LPA: variants seen among roughly 807,000 people sequenced by gnomAD.
LPA encodes the protein lipoprotein(a), also known as apolipoprotein(a).
In LPA, 199 loss-of-function variants were observed where a neutral mutation model predicts 197.9. The observed-to-expected ratio is 1.01, with a 90% CI of 0.90 to 1.13. LPA has a LOEUF of 1.13. Among genes scored for constraint, LPA ranks in the 50% most tolerant of loss-of-function variants. The pLI, the probability that LPA is intolerant of heterozygous loss-of-function variation, is 0.00. For missense variants in LPA, 1,853 were observed against 1,785.8 expected, an observed-to-expected ratio of 1.04 and a Z score of -0.68; for synonymous variants, 715 against 639.5, an observed-to-expected ratio of 1.12 and a Z score of -1.78.
intron 28 of LPA, among the ~76,000 whole-genome samples, chr6:160,564,008 C>A (rs140938551): frequency 6.0e-4 from 91 of 152,256 alleles, no homozygotes; most frequent in African/African-American, 2.1e-3. Flanking sequence ...TGGGTCTTGA[C>A]TCTTTATTCA....
chr6:160,648,135 A>G (rs1051834214), intron 2 of LPA, among the ~76,000 whole-genome samples: 2 of 152,166 alleles, frequency 1.3e-5, no homozygotes, highest in African/African-American at 4.8e-5. Flanking sequence ...CTTCTTTCTT[A>G]CGTTTATTAC....
At chr6:160,593,542 T>C (rs1779070868) in intron 22 of LPA, among the ~76,000 whole-genome samples, 7 of 152,180 alleles carry the variant, frequency 4.6e-5, no homozygotes, top group Admixed American at 2.0e-4. Flanking sequence ...GATCTGGATG[T>C]CAACATAGAT....
intron 27 of LPA, 144 bp downstream of exon 27, chr6:160,578,379 T>C (rs1778724726): frequency 5.1e-6 from 5 of 983,856 alleles, no homozygotes; most frequent in Non-Finnish European, 7.7e-6. Flanking sequence ...CAGTTCTGGA[T>C]CCCCCAGAGA....
At chr6:160,606,720 C>T (rs772069430) in intron 16 of LPA, 62 bp from the exon 17 acceptor site, 3 of 1,585,814 alleles carry the variant, frequency 1.9e-6, no homozygotes, top group East Asian at 4.5e-5. Flanking sequence ...GCACCCCACA[C>T]CCTCTCCTTT....
At chr6:160,550,028 T>C (rs1005911580) in intron 30 of LPA, among the ~76,000 whole-genome samples, 5 of 152,154 alleles carry the variant, frequency 3.3e-5, no homozygotes, top group Non-Finnish European at 7.4e-5. Context: ...CGAGACCATC[T>C]TGGCCAACAT....
intron 18 of LPA, among the ~76,000 whole-genome samples, chr6:160,604,683 T>G (rs768217813): frequency 1.3e-5 from 2 of 152,122 alleles, no homozygotes; most frequent in African/African-American, 2.4e-5. Context: ...AACAGAACCT[T>G]CACTTCAGGA....
At position 160,595,529 on chromosome 6, in the gene LPA, C is replaced by G. The variant is rs542531919; in HGVS notation, c.3294G>C (p.Leu1098=). The G allele has an allele frequency of 1.4e-5, 22 of 1,613,972 alleles. No individual in the cohort carries two copies. Among genetic ancestry groups the G allele is most frequent in the Admixed American group, 1.3e-4 (8 of 60,018 alleles). ...CTGGATTCCTGCAGTAGTTCCTGGT[C>G]AGGCCACTGCAAATTTCAAAACAAC... ...RTPENYPNAG[L]TRNYCRNPDA... is the part of the protein sequence containing the mutation. Residue 1098 remains leucine, a synonymous_variant, in exon 21 of 39, where the codon CTG becomes CTC. Coordinates refer to ENST00000316300, the MANE Select transcript of LPA (RefSeq NM_005577.4).
At chr6:160,553,885 CTATT>C (rs1320278087) in intron 30 of LPA, among the ~76,000 whole-genome samples, 6 of 150,672 alleles carry the variant, frequency 4.0e-5, no homozygotes, top group African/African-American at 1.5e-4. Flanking sequence ...CCTTAAGGTT[CTATT>C]TATTTTTTTC....
At chr6:160,540,679 C>CACAGAAGCAGAGGAGATG (rs1294711111) in intron 35 of LPA, among the ~76,000 whole-genome samples, 4 of 152,236 alleles carry the variant, frequency 2.6e-5, no homozygotes, top group Non-Finnish European at 5.9e-5. Flanking sequence ...CTTAGGCCCA[C>CACAGAAGCAGAGGAGATG]ACAGAAGCAG....
intron 28 of LPA, among the ~76,000 whole-genome samples, chr6:160,558,141 A>T (rs190587019): frequency 1.3e-5 from 2 of 151,904 alleles, no homozygotes; most frequent in Non-Finnish European, 2.9e-5. Flanking sequence ...GGATGGTCTC[A>T]ATCTCCTGAC....
chr6:160,609,881 G>C (rs1250732512), intron 16 of LPA, among the ~76,000 whole-genome samples: 3 of 151,838 alleles, frequency 2.0e-5, no homozygotes, highest in Non-Finnish European at 2.9e-5. Context: ...AATTGTTTTT[G>C]GTTAATTTTT....
chr6:160,583,146 A>T (rs1031805601), intron 26 of LPA, among the ~76,000 whole-genome samples: 1 of 151,664 alleles, frequency 6.6e-6, no homozygotes, highest in Admixed American at 6.6e-5. Context: ...TCTCCTTGCC[A>T]ATTCTGTTAT....
rs765479327 is a variant in LPA at position 160,542,723 on chromosome 6, TG to T, written c.5483del (p.Pro1828HisfsTer23). ...GACTGACTTGCCAGGGCCAGGAATG[TG>T]GGTGGGCCACACACCCCCCTACAAT... Reference protein sequence around the residue: ...GSIVGGCVAHPHSWPWQVSLR... With the variant: ...GSIVGGCVAHXHSWPWQVSLR... On this transcript the variant is annotated frameshift_variant, in exon 34 of 39. Transcript: ENST00000316300. LOFTEE classifies it high-confidence loss of function. 3 of 1,614,012 alleles carry T rather than the reference TG, an allele frequency of 1.9e-6. No homozygotes were observed. Among genetic ancestry groups the T allele is most frequent in the Non-Finnish European group, 2.5e-6 (3 of 1,179,982 alleles).
chr6:160,611,070 G>A (rs910678567), intron 16 of LPA, among the ~76,000 whole-genome samples: 1 of 152,124 alleles, frequency 6.6e-6, no homozygotes, highest in Non-Finnish European at 1.5e-5. Context: ...CAGGCCACTG[G>A]TACTTAGGAC....
chr6:160,646,973 T>C (rs1319504993), intron 2 of LPA, among the ~76,000 whole-genome samples: 4 of 152,184 alleles, frequency 2.6e-5, no homozygotes. Context: ...AAAAGCATTG[T>C]GCAAATAGTA....
intron 26 of LPA, among the ~76,000 whole-genome samples, chr6:160,579,178 A>C (rs1380593209): frequency 6.6e-6 from 1 of 152,170 alleles, no homozygotes; most frequent in Non-Finnish European, 1.5e-5. Context: ...AAGAAGTGGC[A>C]TCCAAGATTA....
At chr6:160,654,056 T>TATTATATATAA (rs1780079104) in intron 1 of LPA, among the ~76,000 whole-genome samples, 1 of 6,938 alleles carries the variant, frequency 1.4e-4, no homozygotes, top group African/African-American at 6.1e-4. Context: ...ATATAATATA[T>TATTATATATAA]TATATATATT....
chr6:160,552,653 C>T (rs1778184973), intron 30 of LPA, among the ~76,000 whole-genome samples: 1 of 152,154 alleles, frequency 6.6e-6, no homozygotes, highest in Non-Finnish European at 1.5e-5. Context: ...CATTAATCAC[C>T]ACTCCAGCTT....
chr6:160,591,651 A>G (rs1252320068), intron 22 of LPA, among the ~76,000 whole-genome samples: 1 of 152,194 alleles, frequency 6.6e-6, no homozygotes, highest in Non-Finnish European at 1.5e-5. Flanking sequence ...TGGTATAGCA[A>G]TGGCTCCTCT....
Sources: allele counts gnomAD v4.1 joint callset (sites outside exome capture counted in the v4.1 genomes callset), GRCh38; gene constraint gnomAD v4.1.1; transcripts MANE v1.5; gene names NCBI Gene and HGNC (gene_info 2026-07-23, HGNC 2026-07-21).